Variants in KCNN2 observed in about 807,000 individuals in gnomAD.
KCNN2 encodes small conductance calcium-activated potassium channel protein 2.
A neutral mutation model predicts 55.5 loss-of-function variants in KCNN2; 24 were observed. That is an observed-to-expected ratio of 0.43 (90% confidence interval 0.31 to 0.61). KCNN2 has a LOEUF of 0.61. Ranked by LOEUF, KCNN2 falls within the 20% of genes least tolerant of loss-of-function variation. The probability of loss-of-function intolerance (pLI) is 0.08; values close to 1 mark genes in which losing one functional copy is unlikely to be tolerated. For synonymous variants in KCNN2, 431 were observed against 336.1 expected, an observed-to-expected ratio of 1.28 and a Z score of -3.09; for missense variants, 754 against 853.6, an observed-to-expected ratio of 0.88 and a Z score of 1.45.
At chr5:114,176,266 A>G (rs951283000) in intron 1 of KCNN2, among the ~76,000 whole-genome samples, 1 of 152,190 alleles carries the variant, frequency 6.6e-6, no homozygotes, top group African/African-American at 2.4e-5. Context: ...CTGGAGGGAA[A>G]ATTGATCCTG....
intron 3 of KCNN2, among the ~76,000 whole-genome samples, chr5:114,457,795 C>G (rs1760999139): frequency 6.6e-6 from 1 of 152,158 alleles, no homozygotes; most frequent in Admixed American, 6.5e-5. Flanking sequence ...CTTCCCTGAG[C>G]TGCACCTGAG....
chr5:114,140,762 C>CATT (rs61070958), intron 1 of KCNN2, among the ~76,000 whole-genome samples: 39,091 of 139,628 alleles, frequency 0.28, 5,598 homozygotes, highest in Middle Eastern at 0.36. Flanking sequence ...CTGTCATCCT[C>CATT]ATTATTATTA....
intron 4 of KCNN2, among the ~76,000 whole-genome samples, chr5:114,471,454 GAAATATTTTC>G (rs1761741654): frequency 6.6e-6 from 1 of 152,120 alleles, no homozygotes; most frequent in Admixed American, 6.6e-5. Flanking sequence ...TTTTTTTACT[GAAATATTTTC>G]AATCCAGTTG....
chr5:114,120,014 C>A (rs887640069), intron 1 of KCNN2, among the ~76,000 whole-genome samples: 4 of 152,054 alleles, frequency 2.6e-5, no homozygotes, highest in African/African-American at 9.7e-5. Context: ...TTTATTTACT[C>A]AGTAAAGGGC....
chr5:114,360,574 T>G (rs910433192), upstream of KCNN2, among the ~76,000 whole-genome samples: 1 of 152,152 alleles, frequency 6.6e-6, no homozygotes, highest in Non-Finnish European at 1.5e-5. Flanking sequence ...CACAAAGAAA[T>G]GCAAATGTAA....
chr5:114,230,121 A>G (rs1303588047), intron 2 of KCNN2, among the ~76,000 whole-genome samples: 1 of 152,146 alleles, frequency 6.6e-6, no homozygotes, highest in Non-Finnish European at 1.5e-5. Context: ...ATTAGTAATT[A>G]ATTTTGTCCT....
chr5:114,463,232 A>G (rs1468370589), intron 4 of KCNN2, 42 bp downstream of exon 4: 1 of 1,563,546 alleles, frequency 6.4e-7, no homozygotes, highest in East Asian at 2.3e-5. Context: ...TTTACGCTCA[A>G]GAAGGCACTT....
At chr5:114,060,445 G>A (rs1209804070) in intron 1 of KCNN2, among the ~76,000 whole-genome samples, 3 of 152,188 alleles carry the variant, frequency 2.0e-5, no homozygotes, top group African/African-American at 7.2e-5. Flanking sequence ...AGCAGCAATT[G>A]TGAAAGGGTG....
intron 1 of KCNN2, among the ~76,000 whole-genome samples, chr5:114,063,215 C>T (rs1000755472): frequency 4.6e-5 from 7 of 152,148 alleles, no homozygotes; most frequent in Admixed American, 1.3e-4. Flanking sequence ...AAATGACTGA[C>T]AAAAACTAAG....
chr5:114,145,167 C>T (rs573648125), intron 1 of KCNN2, among the ~76,000 whole-genome samples: 23 of 152,182 alleles, frequency 1.5e-4, no homozygotes, highest in South Asian at 6.2e-4. Context: ...GTTAAATCTA[C>T]GATATAATAG....
chr5:114,112,617 A>G (rs1446536160), intron 1 of KCNN2, among the ~76,000 whole-genome samples: 2 of 152,094 alleles, frequency 1.3e-5, no homozygotes, highest in Non-Finnish European at 2.9e-5. Flanking sequence ...TCTAGTAAGT[A>G]TATAAACTGA....
intron 1 of KCNN2, among the ~76,000 whole-genome samples, chr5:114,193,555 A>G (rs922778632): frequency 6.6e-6 from 1 of 152,204 alleles, no homozygotes; most frequent in Non-Finnish European, 1.5e-5. Context: ...TGAATAAAGG[A>G]GTTACATAAT....
intron 1 of KCNN2, among the ~76,000 whole-genome samples, chr5:114,129,304 G>A (rs936242126): frequency 7.2e-5 from 11 of 152,166 alleles, no homozygotes; most frequent in Non-Finnish European, 1.3e-4. Flanking sequence ...GACAGAGGGT[G>A]AGGAAAGTCT....
Position 114,435,431 on chromosome 5 carries a change from G to A in KCNN2, c.1638-27618G>A, listed in dbSNP as rs144997693. ...ATTTTCTTGTTGTGAGGATAGGAAC[G>A]ATGAGTCTCAAACTCCTTTGGGCCA... On this transcript the variant is annotated intron_variant, in intron 3 of 7. Transcript: ENST00000673685. Among the ~76,000 whole-genome samples the A allele has an allele frequency of 5.7e-4, 86 of 152,074 alleles. No individual in the cohort carries two copies. The East Asian group carries it at 0.016, about 28-fold the overall frequency.
intron 1 of KCNN2, among the ~76,000 whole-genome samples, chr5:114,092,479 G>T (rs1751165146): frequency 6.6e-6 from 1 of 152,140 alleles, no homozygotes; most frequent in Non-Finnish European, 1.5e-5. Flanking sequence ...CTGTCATTCT[G>T]GGATCTGGAG....
chr5:114,275,685 T>C (rs1755472583), intron 2 of KCNN2, among the ~76,000 whole-genome samples: 1 of 152,118 alleles, frequency 6.6e-6, no homozygotes, highest in South Asian at 2.1e-4. Context: ...TGATATCCCC[T>C]TTATTATTTT....
chr5:114,266,717 T>C (rs545166105), intron 2 of KCNN2, among the ~76,000 whole-genome samples: 3 of 152,168 alleles, frequency 2.0e-5, no homozygotes, highest in African/African-American at 7.2e-5. Context: ...AAGCACACTT[T>C]ATAGAAGTTT....
intron 1 of KCNN2, among the ~76,000 whole-genome samples, chr5:114,155,150 G>T (rs771037621): frequency 6.6e-5 from 10 of 151,570 alleles, no homozygotes; most frequent in Non-Finnish European, 1.2e-4. Context: ...TTGGTTTTCT[G>T]TTCCTGTGTT....
intron 2 of KCNN2, among the ~76,000 whole-genome samples, chr5:114,312,526 A>G (rs995547738): frequency 8.3e-5 from 12 of 144,762 alleles, no homozygotes; most frequent in African/African-American, 3.1e-4. Flanking sequence ...TATGGTCAAG[A>G]ACCCAAGTGT....
Sources: allele counts gnomAD v4.1 joint callset (sites outside exome capture counted in the v4.1 genomes callset), GRCh38; gene constraint gnomAD v4.1.1; transcripts MANE v1.5; gene names NCBI Gene and HGNC (gene_info 2026-07-23, HGNC 2026-07-21).